The following SHANK2 variants were observed in gnomAD, a reference collection of about 807,000 sequenced individuals.
SHANK2 encodes the protein SH3 and multiple ankyrin repeat domains 2, also known as SH3 and multiple ankyrin repeat domains protein 2.
In SHANK2, 43 loss-of-function variants were observed where a neutral mutation model predicts 133.7. The ratio of observed to expected loss-of-function variants is 0.32; its 90% CI spans 0.25 to 0.41. The LOEUF is 0.41. Ranked by LOEUF, SHANK2 falls within the 10% of genes least tolerant of loss-of-function variation. The pLI is 1.00. For missense variants in SHANK2, 1,994 were observed against 2,235.8 expected (o/e 0.89, Z 2.18); for synonymous variants, 1,017 against 952.8 (o/e 1.07, Z -1.24).
chr11:71,135,824 C>T lies in SHANK2; in HGVS notation c.207+11296G>A, dbSNP rs146056065. ...GGAGGGCTGGGCTCAGCGGTGGCCACGGTGTTCACATGTACACAACCACCC... is the reference window on the plus strand; with the variant it reads ...GGAGGGCTGGGCTCAGCGGTGGCCATGGTGTTCACATGTACACAACCACCC... On this transcript the variant is annotated intron_variant, in intron 3 of 25. Coordinates refer to ENST00000601538, the MANE Select transcript of SHANK2 (RefSeq NM_012309.5). Among the ~76,000 whole-genome samples the T allele has an allele frequency of 1.6e-4, 24 of 152,172 alleles. No homozygotes were observed. The East Asian group carries it at 3.3e-3, about 21-fold the overall frequency.
chr11:70,749,449 C>T lies in SHANK2; in HGVS notation c.1777+48994G>A, dbSNP rs369779784. ...GCTCAAACAAATCATAAACATCCTC[C>T]AGAGGAATATAACACAACCCACAAT... On this transcript the variant is annotated intron_variant, in intron 14 of 25. Transcript: ENST00000601538. Among the ~76,000 whole-genome samples the T allele has an allele frequency of 1.1e-4, 17 of 149,032 alleles. No homozygotes were observed. In the East Asian group the frequency reaches 2.6e-3, roughly 23 times the overall value.
chr11:70,532,130 A>G (rs927826011), intron 17 of SHANK2, among the ~76,000 whole-genome samples: 13 of 152,178 alleles, frequency 8.5e-5, no homozygotes, highest in Admixed American at 1.3e-4. Context: ...GAGAAACTCA[A>G]TGCTGAGCAT....
In SHANK2 at chr11:71,197,622, T is replaced by C. The variant is rs1953932761; in HGVS notation, c.-13+27075A>G. On this transcript the variant is annotated intron_variant, in intron 2 of 25. Transcript: ENST00000601538. Reference sequence around the variant, plus strand: ...TCTCAGATTTTAGATTTTGTCTGCATCTTCTGAAGAGAACCTGGCAGGCAT... The same window carrying C: ...TCTCAGATTTTAGATTTTGTCTGCACCTTCTGAAGAGAACCTGGCAGGCAT... Among the ~76,000 whole-genome samples the C allele has an allele frequency of 3.3e-5, 5 of 152,340 alleles. No individual in the cohort carries two copies. In the South Asian group the frequency reaches 1.0e-3, roughly 32 times the overall value.
chr11:70,520,127 G>A (rs1179652989), intron 17 of SHANK2, among the ~76,000 whole-genome samples: 2 of 152,086 alleles, frequency 1.3e-5, no homozygotes, highest in Non-Finnish European at 2.9e-5. Context: ...AGTATCTGGA[G>A]TTCCCATACA....
At chr11:70,854,788 T>G (rs527468293) in intron 11 of SHANK2, among the ~76,000 whole-genome samples, 78 of 152,304 alleles carry the variant, frequency 5.1e-4, no homozygotes, top group African/African-American at 1.8e-3. Flanking sequence ...GGGGCAAAGC[T>G]GCTGGGGTGT....
intron 2 of SHANK2, among the ~76,000 whole-genome samples, chr11:71,153,435 C>T (rs1952839885): frequency 6.6e-6 from 1 of 152,138 alleles, no homozygotes; most frequent in Admixed American, 6.5e-5. Context: ...TCAACAAAAA[C>T]AGCATTTTGC....
At chr11:70,712,410 A>G (rs1945807845) in intron 14 of SHANK2, among the ~76,000 whole-genome samples, 1 of 152,108 alleles carries the variant, frequency 6.6e-6, no homozygotes, top group African/African-American at 2.4e-5. Flanking sequence ...GGGGGCCGCT[A>G]TTGTGCCCAC....
At chr11:70,477,220 ACTTG>A (rs2058675616) in intron 25 of SHANK2, 1 of 152,306 alleles carries the variant, frequency 6.6e-6, no homozygotes, top group Non-Finnish European at 1.5e-5. Flanking sequence ...AAATGGAATG[ACTTG>A]AGACAACACT....
intron 11 of SHANK2, among the ~76,000 whole-genome samples, chr11:70,846,598 G>A (rs1288964435): frequency 6.6e-6 from 1 of 152,136 alleles, no homozygotes; most frequent in Non-Finnish European, 1.5e-5. Flanking sequence ...GGAAGCACAG[G>A]TCAACTGCTG....
At chr11:71,230,101 C>T (rs1954716664) in intron 1 of SHANK2, among the ~76,000 whole-genome samples, 2 of 152,144 alleles carry the variant, frequency 1.3e-5, no homozygotes, top group South Asian at 4.1e-4. Context: ...TAGCCTGGCC[C>T]AACGTGGTGA....
chr11:70,571,645 G>T (rs28526201), intron 17 of SHANK2, among the ~76,000 whole-genome samples: 33,326 of 151,962 alleles, frequency 0.22, 4,171 homozygotes, highest in East Asian at 0.41. Flanking sequence ...TGTCCTTGGG[G>T]CAGAACCAGG....
intron 14 of SHANK2, among the ~76,000 whole-genome samples, chr11:70,717,469 G>A (rs781866235): frequency 2.0e-5 from 3 of 152,136 alleles, no homozygotes; most frequent in Admixed American, 6.5e-5. Flanking sequence ...AGAAGCAGGC[G>A]AAAGCCGTGA....
At chr11:70,886,981 G>A (rs1949756874) in intron 11 of SHANK2, among the ~76,000 whole-genome samples, 1 of 152,142 alleles carries the variant, frequency 6.6e-6, no homozygotes, top group Admixed American at 6.5e-5. Context: ...GTTCGGTTGA[G>A]GAAGAACAAC....
chr11:71,088,758 G>A (rs1465047564), intron 8 of SHANK2, among the ~76,000 whole-genome samples: 5,879 of 88,968 alleles, frequency 0.066, 1 homozygote, highest in African/African-American at 0.093. Flanking sequence ...ACCAGGGGCC[G>A]CCCCTCATCC....
intron 2 of SHANK2, among the ~76,000 whole-genome samples, chr11:71,202,475 C>T (rs551586439): frequency 2.6e-5 from 4 of 152,294 alleles, no homozygotes; most frequent in East Asian, 3.9e-4. Context: ...AGCCCCTCGG[C>T]GAGACAAGGC....
At chr11:70,540,087 C>A (rs1482275597) in intron 17 of SHANK2, among the ~76,000 whole-genome samples, 1 of 152,202 alleles carries the variant, frequency 6.6e-6, no homozygotes, top group African/African-American at 2.4e-5. Context: ...ACCCTTGTGA[C>A]CCCATCTTAA....
At chr11:70,816,660 G>A (rs1948404466) in intron 12 of SHANK2, among the ~76,000 whole-genome samples, 1 of 152,210 alleles carries the variant, frequency 6.6e-6, no homozygotes, top group Non-Finnish European at 1.5e-5. Flanking sequence ...GGATGAACAA[G>A]GAGCAGAGGG....
intron 15 of SHANK2, among the ~76,000 whole-genome samples, chr11:70,681,145 G>A (rs1565237290): frequency 6.6e-6 from 1 of 152,186 alleles, no homozygotes; most frequent in South Asian, 2.1e-4. Context: ...GGCACCTGCT[G>A]GGAGGGTCCT....
intron 18 of SHANK2, 148 bp downstream of exon 18, chr11:70,502,648 A>G (rs2059072303): frequency 1.1e-6 from 1 of 942,850 alleles, no homozygotes; most frequent in Admixed American, 2.5e-5. Flanking sequence ...CTCTGGCGGT[A>G]AATTCCAGCC....
Sources: allele counts gnomAD v4.1 joint callset (sites outside exome capture counted in the v4.1 genomes callset), GRCh38; gene constraint gnomAD v4.1.1; transcripts MANE v1.5; gene names NCBI Gene and HGNC (gene_info 2026-07-23, HGNC 2026-07-21).